GABRB1: variants seen among roughly 807,000 people sequenced by gnomAD.
GABRB1 encodes gamma-aminobutyric acid receptor subunit beta-1.
GABRB1 carries 17 observed loss-of-function variants against 51.6 expected under a neutral mutation model. That is an observed-to-expected ratio of 0.33 (90% CI 0.23 to 0.49). The LOEUF (loss-of-function observed/expected upper bound fraction) is 0.49, where lower values mean the gene tolerates loss of function less well. Ranked by LOEUF, GABRB1 falls within the 20% of genes least tolerant of loss-of-function variation. The pLI, the probability that GABRB1 is intolerant of heterozygous loss-of-function variation, is 0.99. For missense variants in GABRB1, 410 were observed against 600.6 expected, an observed-to-expected ratio of 0.68 and a Z score of 3.32; for synonymous variants, 247 against 218.9, an observed-to-expected ratio of 1.13 and a Z score of -1.14.
intron 5 of GABRB1, among the ~76,000 whole-genome samples, chr4:47,395,072 A>C (rs1457950807): frequency 6.6e-6 from 1 of 152,196 alleles, no homozygotes; most frequent in Non-Finnish European, 1.5e-5. Context: ...GGCAAGGTTC[A>C]GTGCACCCAG....
chr4:47,090,327 C>CA (rs1728242328), intron 3 of GABRB1, among the ~76,000 whole-genome samples: 1 of 152,042 alleles, frequency 6.6e-6, no homozygotes, highest in Non-Finnish European at 1.5e-5. Flanking sequence ...CAAAATTACT[C>CA]AAAAATTGTT....
chr4:47,388,448 G>T (rs4502656), intron 5 of GABRB1, among the ~76,000 whole-genome samples: 18,875 of 152,162 alleles, frequency 0.12, 1,294 homozygotes, highest in Middle Eastern at 0.26. Flanking sequence ...CCTTGCTTTA[G>T]GTGTGTTAGG....
rs979284529 is a variant in GABRB1 at position 47,112,748 on chromosome 4, T to C, written c.241-48501T>C. ...GTGTCAAGCACTGTATTAAGCACAG[T>C]GAAATAAAAAAAAAAAATCCTGCCT... On this transcript the variant is annotated intron_variant, in intron 3 of 8. Coordinates refer to ENST00000295454, the MANE Select transcript of GABRB1 (RefSeq NM_000812.4). Among the ~76,000 whole-genome samples the C allele has an allele frequency of 2.2e-5, 3 of 136,050 alleles. No individual in the cohort carries two copies. In the Admixed American group the frequency reaches 2.3e-4, roughly 11 times the overall value. 89.3% of individuals were successfully genotyped at this position (136,050 alleles called of 152,430 possible). A position where few individuals can be genotyped will look rare whatever the true frequency, so the allele number is the denominator to read the frequency against.
At chr4:47,146,777 A>G (rs1717187982) in intron 3 of GABRB1, among the ~76,000 whole-genome samples, 1 of 152,084 alleles carries the variant, frequency 6.6e-6, no homozygotes, top group Admixed American at 6.6e-5. Context: ...CCACTTTTCT[A>G]GATCCTCAGG....
intron 3 of GABRB1, among the ~76,000 whole-genome samples, chr4:47,105,411 G>T (rs1714919264): frequency 1.3e-5 from 2 of 152,148 alleles, no homozygotes; most frequent in Non-Finnish European, 2.9e-5. Flanking sequence ...GGAACAAGGT[G>T]GTCCTCTCTG....
intron 4 of GABRB1, among the ~76,000 whole-genome samples, chr4:47,188,691 A>G (rs1719298053): frequency 6.6e-6 from 1 of 152,052 alleles, no homozygotes. Context: ...TAAAATAAGT[A>G]TATTATGGAA....
chr4:47,105,038 T>G (rs1714899095), intron 3 of GABRB1, among the ~76,000 whole-genome samples: 1 of 152,088 alleles, frequency 6.6e-6, no homozygotes, highest in African/African-American at 2.4e-5. Flanking sequence ...GGTAGTATAG[T>G]AGAGACTGAG....
chr4:47,022,906 A>G (rs1724967842), intron 1 of GABRB1, among the ~76,000 whole-genome samples: 1 of 152,154 alleles, frequency 6.6e-6, no homozygotes. Flanking sequence ...ACAATAGCTA[A>G]GGTTTGGAAG....
chr4:47,142,671 T>G (rs1314624812), intron 3 of GABRB1, among the ~76,000 whole-genome samples: 1 of 151,842 alleles, frequency 6.6e-6, no homozygotes, highest in Admixed American at 6.6e-5. Context: ...TGGCCTTAAC[T>G]AAGATCAGTA....
chr4:47,255,734 G>C (rs971845766), intron 4 of GABRB1, among the ~76,000 whole-genome samples: 1 of 152,154 alleles, frequency 6.6e-6, no homozygotes, highest in Admixed American at 6.6e-5. Context: ...GGGAGATTCT[G>C]ATTAACAATG....
intron 3 of GABRB1, among the ~76,000 whole-genome samples, chr4:47,125,024 T>C (rs1021596906): frequency 2.6e-5 from 4 of 152,196 alleles, no homozygotes; most frequent in African/African-American, 9.6e-5. Context: ...GAAGATTATA[T>C]ATAGACACAT....
chr4:47,372,941 C>A lies in GABRB1; in HGVS notation c.545-30377C>A, dbSNP rs552392018. 2.0e-5 allele frequency among the ~76,000 whole-genome samples: 3 copies of A among 152,300 alleles called. No homozygotes were observed. The South Asian group carries it at 6.2e-4, about 32-fold the overall frequency. On this transcript the variant is annotated intron_variant, in intron 5 of 8. Transcript: ENST00000295454. The stretch of plus-strand genomic sequence containing the variant: ...CATACTCACACACTACATGCCCTGA[C>A]CTTGGGAGTCACCAAACCTCTTTCT...
intron 5 of GABRB1, among the ~76,000 whole-genome samples, chr4:47,327,997 G>A (rs910491607): frequency 1.3e-5 from 2 of 152,058 alleles, no homozygotes; most frequent in Middle Eastern, 3.2e-3. Flanking sequence ...TTTAATGATC[G>A]CCATTCTAAC....
intron 4 of GABRB1, among the ~76,000 whole-genome samples, chr4:47,251,955 C>T (rs559814456): frequency 6.6e-6 from 1 of 152,288 alleles, no homozygotes; most frequent in East Asian, 1.9e-4. Flanking sequence ...TCTTCCCCTG[C>T]CTGTGGAGTC....
At position 47,134,784 on chromosome 4, in the gene GABRB1, A is replaced by G. The variant is rs951977080; in HGVS notation, c.241-26465A>G. Reference sequence around the variant, plus strand: ...GACATGAGCAAAAAGTTTTGGCTGGATATACAAGGAAGGACAAGTAAGACT... The same window carrying G: ...GACATGAGCAAAAAGTTTTGGCTGGGTATACAAGGAAGGACAAGTAAGACT... On this transcript the variant is annotated intron_variant, in intron 3 of 8. Coordinates refer to ENST00000295454, the MANE Select transcript of GABRB1 (RefSeq NM_000812.4). Among the ~76,000 whole-genome samples, 4 of 152,282 alleles carry G rather than the reference A, an allele frequency of 2.6e-5. No homozygotes were observed. The East Asian group carries it at 5.8e-4, about 22-fold the overall frequency.
At position 47,328,218 on chromosome 4, in the gene GABRB1, T is replaced by C. The variant is rs568426326; in HGVS notation, c.544+8009T>C. Among the ~76,000 whole-genome samples, 10 of 152,330 alleles carry C rather than the reference T, an allele frequency of 6.6e-5. No homozygotes were observed. The East Asian group carries it at 1.9e-3, about 29-fold the overall frequency. ...TTGTAGATTCTGGATATTAGCCCTTTGTCAGATGAGTAGATTTCAAAAATT... is the reference window on the plus strand; with the variant it reads ...TTGTAGATTCTGGATATTAGCCCTTCGTCAGATGAGTAGATTTCAAAAATT... On this transcript the variant is annotated intron_variant, in intron 5 of 8. Transcript: ENST00000295454.
chr4:47,301,178 C>G (rs1724245033), intron 4 of GABRB1, among the ~76,000 whole-genome samples: 1 of 152,074 alleles, frequency 6.6e-6, no homozygotes, highest in Non-Finnish European at 1.5e-5. Flanking sequence ...AAAAGACACA[C>G]CAACCTTAAG....
intron 4 of GABRB1, among the ~76,000 whole-genome samples, chr4:47,274,331 T>C (rs899183287): frequency 2.6e-5 from 4 of 152,140 alleles, no homozygotes; most frequent in Admixed American, 2.6e-4. Flanking sequence ...TTAGCTGCAT[T>C]TACAATTAGT....
chr4:47,423,545 C>G (rs1447543133), intron 8 of GABRB1, among the ~76,000 whole-genome samples: 1 of 152,162 alleles, frequency 6.6e-6, no homozygotes, highest in Admixed American at 6.5e-5. Flanking sequence ...TCCTTGACAC[C>G]TAACACTTCA....
Sources: gnomAD v4.1 joint callset for allele counts (sites outside exome capture counted in the v4.1 genomes callset) on GRCh38, gnomAD v4.1.1 for gene constraint, MANE v1.5 for transcripts, NCBI Gene and HGNC (gene_info 2026-07-23, HGNC 2026-07-21) for gene names.